The following TBC1D5 variants were observed in gnomAD, a reference collection of about 807,000 sequenced individuals.
TBC1D5 encodes the protein TBC1 domain family, member 5.
Under a neutral mutation model 100.3 loss-of-function variants are expected in TBC1D5, and 75 were observed. The ratio of observed to expected loss-of-function variants is 0.75; its 90% CI spans 0.62 to 0.91. The LOEUF (loss-of-function observed/expected upper bound fraction) is 0.91. Ranked by LOEUF, TBC1D5 falls within the 40% of genes least tolerant of loss-of-function variation. TBC1D5 has a pLI of 0.00. For synonymous variants in TBC1D5, 323 were observed against 325.6 expected (o/e 0.99, Z 0.09); for missense variants, 910 against 942.4 (o/e 0.97, Z 0.45).
chr3:17,213,733 CAAAAAAAAA>C (rs71632897), intron 18 of TBC1D5, among the ~76,000 whole-genome samples: 2 of 61,048 alleles, frequency 3.3e-5, no homozygotes, highest in East Asian at 1.0e-3. Context: ...GACTCTGTCT[CAAAAAAAAA>C]AAAAAAAAAA....
At chr3:17,253,788 G>A (rs1276406821) in intron 16 of TBC1D5, among the ~76,000 whole-genome samples, 1 of 152,198 alleles carries the variant, frequency 6.6e-6, no homozygotes, top group Non-Finnish European at 1.5e-5. Context: ...TTTATGAGAT[G>A]CATGTATGTT....
At chr3:17,516,388 A>G (rs1400970658) in intron 2 of TBC1D5, among the ~76,000 whole-genome samples, 1 of 152,206 alleles carries the variant, frequency 6.6e-6, no homozygotes, top group East Asian at 1.9e-4. Flanking sequence ...TATTTAAAGA[A>G]AGAAAGAATT....
At chr3:17,247,377 G>A (rs912023255) in intron 16 of TBC1D5, among the ~76,000 whole-genome samples, 1 of 152,106 alleles carries the variant, frequency 6.6e-6, no homozygotes, top group Non-Finnish European at 1.5e-5. Flanking sequence ...TAAAAGTTCT[G>A]TTTACATTAT....
In TBC1D5 at chr3:17,293,284, A is replaced by G. The variant is rs114092045; in HGVS notation, c.1139-1283T>C. Among the ~76,000 whole-genome samples, 773 of 152,334 alleles carry G rather than the reference A, an allele frequency of 5.1e-3. 5 individuals are homozygous for G. The highest frequency in any genetic ancestry group is 9.0e-3 in the Non-Finnish European group (615 of 68,024). On this transcript the variant is annotated intron_variant, in intron 14 of 21. Transcript: ENST00000253692. The stretch of plus-strand genomic sequence containing the variant: ...TTCAAAAAGCTAAGATACTGAGAAC[A>G]GTATAATGGTTTTATGTACAGATTT...
chr3:17,445,778 A>AGT, intron 3 of TBC1D5, among the ~76,000 whole-genome samples: 1 of 152,376 alleles, frequency 6.6e-6, no homozygotes, highest in Middle Eastern at 3.4e-3. Flanking sequence ...CAAAAAACAC[A>AGT]GTATATATAG....
intron 19 of TBC1D5, among the ~76,000 whole-genome samples, chr3:17,174,843 C>T (rs903768971): frequency 2.0e-5 from 3 of 152,162 alleles, no homozygotes; most frequent in Admixed American, 6.5e-5. Flanking sequence ...CCGCCCGCCT[C>T]GGCCTCCTAA....
intron 15 of TBC1D5, among the ~76,000 whole-genome samples, chr3:17,258,859 T>A (rs923211668): frequency 6.6e-6 from 1 of 152,166 alleles, no homozygotes; most frequent in East Asian, 1.9e-4. Flanking sequence ...CAAATATAAC[T>A]TTCCTAAAAT....
At chr3:17,654,393 G>C (rs1469255453) in intron 1 of TBC1D5, among the ~76,000 whole-genome samples, 6 of 152,056 alleles carry the variant, frequency 3.9e-5, no homozygotes, top group Non-Finnish European at 7.4e-5. Flanking sequence ...GTTCTTAGTT[G>C]CCATGCCATT....
At chr3:17,599,340 G>C (rs141262985) in intron 2 of TBC1D5, among the ~76,000 whole-genome samples, 1 of 152,078 alleles carries the variant, frequency 6.6e-6, no homozygotes, top group Non-Finnish European at 1.5e-5. Context: ...GCAGAGAGGC[G>C]CAGCAGAGGA....
intron 2 of TBC1D5, among the ~76,000 whole-genome samples, chr3:17,616,044 T>C (rs1278918569): frequency 1.3e-5 from 2 of 152,242 alleles, no homozygotes; most frequent in African/African-American, 4.8e-5. Context: ...AATTTCCCTC[T>C]ACACACTGCT....
chr3:17,190,384 G>A (rs1202713033), intron 18 of TBC1D5, among the ~76,000 whole-genome samples: 1 of 152,148 alleles, frequency 6.6e-6, no homozygotes, highest in Non-Finnish European at 1.5e-5. Context: ...AGGAAAGGAG[G>A]TTTTCTAGTG....
At chr3:17,199,119 A>G (rs1008539168) in intron 18 of TBC1D5, among the ~76,000 whole-genome samples, 10 of 152,230 alleles carry the variant, frequency 6.6e-5, no homozygotes, top group Non-Finnish European at 1.2e-4. Flanking sequence ...ATTTCTGGCA[A>G]AAAAATTAGG....
chr3:17,299,428 C>T (rs1227153130), intron 14 of TBC1D5, among the ~76,000 whole-genome samples: 1 of 152,050 alleles, frequency 6.6e-6, no homozygotes, highest in African/African-American at 2.4e-5. Flanking sequence ...TAAGGAGGGA[C>T]TGCTGTATGT....
At chr3:17,626,159 A>G (rs2063037989) in intron 1 of TBC1D5, among the ~76,000 whole-genome samples, 1 of 152,156 alleles carries the variant, frequency 6.6e-6, no homozygotes, top group South Asian at 2.1e-4. Flanking sequence ...AATTATAAAT[A>G]CCAATGACAG....
At chr3:17,193,930 T>C (rs2070306143) in intron 18 of TBC1D5, among the ~76,000 whole-genome samples, 2 of 152,256 alleles carry the variant, frequency 1.3e-5, no homozygotes, top group South Asian at 4.1e-4. Flanking sequence ...ATTTGAAGCT[T>C]GCTTTATATG....
intron 18 of TBC1D5, among the ~76,000 whole-genome samples, chr3:17,213,287 G>A (rs1347975746): frequency 6.6e-6 from 1 of 152,172 alleles, no homozygotes; most frequent in East Asian, 1.9e-4. Flanking sequence ...TACACTCTAT[G>A]ATGTTTGCAC....
intron 4 of TBC1D5, among the ~76,000 whole-genome samples, chr3:17,414,151 G>A (rs2094006118): frequency 1.3e-5 from 2 of 152,280 alleles, no homozygotes; most frequent in South Asian, 4.1e-4. Flanking sequence ...GCAATTCTAA[G>A]TAGTAAGATA....
chr3:17,543,632 C>G (rs1488822169), intron 2 of TBC1D5, among the ~76,000 whole-genome samples: 1 of 151,396 alleles, frequency 6.6e-6, no homozygotes, highest in Non-Finnish European at 1.5e-5. Context: ...AGCAAGACCC[C>G]ATCTCAAAAA....
At chr3:17,550,165 T>C (rs2096460174) in intron 2 of TBC1D5, among the ~76,000 whole-genome samples, 1 of 152,124 alleles carries the variant, frequency 6.6e-6, no homozygotes. Context: ...TGATACATTG[T>C]TATCAAATCA....
Sources: allele counts gnomAD v4.1 joint callset (sites outside exome capture counted in the v4.1 genomes callset), GRCh38; gene constraint gnomAD v4.1.1; transcripts MANE v1.5; gene names NCBI Gene and HGNC (gene_info 2026-07-23, HGNC 2026-07-21).